The following DNAH10 variants were observed in gnomAD, a reference collection of about 807,000 sequenced individuals.
DNAH10 encodes dynein axonemal heavy chain 10.
A neutral mutation model predicts 506.6 loss-of-function variants in DNAH10; 348 were observed. The ratio of observed to expected loss-of-function variants is 0.69; its 90% CI spans 0.63 to 0.75. DNAH10 has a LOEUF of 0.75. Among genes scored for constraint, DNAH10 ranks in the 30% least tolerant of loss-of-function variants. The probability of loss-of-function intolerance (pLI) is 0.00; values close to 1 mark genes in which losing one functional copy is unlikely to be tolerated. For missense variants in DNAH10, 5,179 were observed against 5,787.1 expected (o/e 0.89, Z 3.41); for synonymous variants, 2,059 against 2,198.6 (o/e 0.94, Z 1.78).
At chr12:123,800,428 G>A in intron 15 of DNAH10, 40 bp downstream of exon 15, 1 of 1,590,520 alleles carries the variant, frequency 6.3e-7, no homozygotes, top group Non-Finnish European at 8.6e-7. Flanking sequence ...TAAGCTTTTT[G>A]TTCTTGGGAC....
rs1411707830 is a variant in DNAH10 at position 123,832,353 on chromosome 12, TAC to T, written c.4546-755_4546-754del. Among the ~76,000 whole-genome samples the T allele has an allele frequency of 2.6e-5, 4 of 152,256 alleles. No individual in the cohort carries two copies. In the East Asian group the frequency reaches 5.8e-4, roughly 22 times the overall value. ...CATATAATGTACACACATATACATATACACACAATGTTCAGTGTACCCAATAT... is the reference window on the plus strand; with the variant it reads ...CATATAATGTACACACATATACATATACACAATGTTCAGTGTACCCAATAT... On this transcript the variant is annotated intron_variant, in intron 26 of 78. Coordinates refer to ENST00000673944, the MANE Select transcript of DNAH10 (RefSeq NM_001372106.1).
intron 32 of DNAH10, among the ~76,000 whole-genome samples, chr12:123,847,503 C>T (rs1014532176): frequency 1.2e-4 from 17 of 140,838 alleles, no homozygotes; most frequent in African/African-American, 1.6e-4. Flanking sequence ...AGTGTAGACT[C>T]GTGTCTGGGT....
At chr12:123,792,824 T>C (rs1007377899) in intron 11 of DNAH10, among the ~76,000 whole-genome samples, 1 of 152,180 alleles carries the variant, frequency 6.6e-6, no homozygotes, top group South Asian at 2.1e-4. Flanking sequence ...CTATCTTCTC[T>C]CATCTGTGTT....
At chr12:123,931,568 G>C in intron 74 of DNAH10, 68 bp from the exon 75 acceptor site, 2 of 1,606,662 alleles carry the variant, frequency 1.2e-6, no homozygotes, top group Non-Finnish European at 1.7e-6. Flanking sequence ...CCCAGAACTG[G>C]AAGGCTCAGG....
Position 123,909,229 on chromosome 12 carries a change from G to A in DNAH10, c.9816-32G>A, listed in dbSNP as rs1219613114. 1 of 1,605,798 alleles carries A rather than the reference G, an allele frequency of 6.2e-7. No homozygotes were observed. Among genetic ancestry groups the A allele is most frequent in the Non-Finnish European group, 8.5e-7 (1 of 1,176,824 alleles). On this transcript the variant is annotated intron_variant, in intron 57 of 78. Coordinates refer to ENST00000673944, the MANE Select transcript of DNAH10 (RefSeq NM_001372106.1). This position sits in a 1 kb window ranked among gnomAD's most constrained non-coding sequence, Gnocchi z 5.4. ...GGCCAGATCCTGGCCACATCCCGGG[G>A]TTGTGACCCACGTGCCTTGGTTTCT...
rs1952328196 is a variant in DNAH10 at position 123,877,847 on chromosome 12, A to G, written c.8311A>G (p.Ile2771Val). The G allele has an allele frequency of 1.2e-6, 2 of 1,613,910 alleles. No individual in the cohort carries two copies. Among genetic ancestry groups the G allele is most frequent in the African/African-American group, 1.3e-5 (1 of 74,940 alleles). The change falls in exon 48 of 79, where the codon ATC (isoleucine) becomes GTC (valine). Residue 2771 changes from isoleucine (I) to valine (V), a missense_variant. By Grantham distance (29) the Ile-to-Val change is conservative. Coordinates refer to ENST00000673944, the MANE Select transcript of DNAH10 (RefSeq NM_001372106.1). The part of the protein sequence containing the change: ...LPPTPSKFHY[I>V]FNLRDLSRVF... ...TCCCACTCCGTCAAAGTTCCATTAC[A>G]TCTTCAACCTTCGAGATCTCTCACG...
intron 30 of DNAH10, among the ~76,000 whole-genome samples, chr12:123,842,022 A>G (rs1950792929): frequency 6.6e-6 from 1 of 152,194 alleles, no homozygotes; most frequent in African/African-American, 2.4e-5. Flanking sequence ...CGAGCACAAG[A>G]TAGCAGTCTT....
chr12:123,779,669 T>C (rs115293887), intron 5 of DNAH10, among the ~76,000 whole-genome samples: 1,685 of 152,006 alleles, frequency 0.011, 25 homozygotes, highest in African/African-American at 0.038. Context: ...AGATACACCC[T>C]GGTCAAGTCT....
At chr12:123,780,157 C>G (rs965836658) in intron 5 of DNAH10, among the ~76,000 whole-genome samples, 10 of 140,320 alleles carry the variant, frequency 7.1e-5, no homozygotes, top group Non-Finnish European at 1.6e-4. Context: ...CTTTCTCTCT[C>G]TCTCTCTCTC....
chr12:123,849,438 A>G (rs1320290328), intron 34 of DNAH10, among the ~76,000 whole-genome samples: 4 of 152,206 alleles, frequency 2.6e-5, no homozygotes. Flanking sequence ...ATTACACCAG[A>G]TTAAGCTGGA....
In DNAH10 at chr12:123,838,500, T is replaced by C. The variant is rs762243404; in HGVS notation, c.4947T>C (p.Cys1649=). Reference sequence around the variant, plus strand: ...AAGACCCCGTGATCAAGAGGTGCTGTGAAGCCCCAAACCGCCTCAGTGACC... The same window carrying C: ...AAGACCCCGTGATCAAGAGGTGCTGCGAAGCCCCAAACCGCCTCAGTGACC... ...TLKDPVIKRC[C]EAPNRLSDLQ... is the part of the protein sequence containing the mutation. Residue 1649 remains cysteine, a synonymous_variant, in exon 29 of 79, where the codon TGT becomes TGC. Coordinates refer to ENST00000673944, the MANE Select transcript of DNAH10 (RefSeq NM_001372106.1). 2 of 1,613,980 alleles carry C rather than the reference T, an allele frequency of 1.2e-6. No individual in the cohort carries two copies. Among genetic ancestry groups the C allele is most frequent in the South Asian group, 1.1e-5 (1 of 91,074 alleles).
At chr12:123,857,980 G>C (rs1020973140) in intron 37 of DNAH10, among the ~76,000 whole-genome samples, 1 of 152,064 alleles carries the variant, frequency 6.6e-6, no homozygotes, top group Non-Finnish European at 1.5e-5. Context: ...TTTGTGTCTG[G>C]CTTATTTCAC....
At chr12:123,927,250 C>T (rs370083022) in intron 69 of DNAH10, 3 of 187,900 alleles carry the variant, frequency 1.6e-5, no homozygotes, top group Non-Finnish European at 3.2e-5. Context: ...AATACAAACA[C>T]GTCACCATGT....
rs775616595 is a variant in DNAH10 at position 123,846,118 on chromosome 12, G to A, written c.5778G>A (p.Thr1926=). The A allele has an allele frequency of 2.7e-5, 43 of 1,613,648 alleles. No homozygotes were observed. Among genetic ancestry groups the A allele is most frequent in the African/African-American group, 4.0e-5 (3 of 74,910 alleles). ...YMGLNGRLVI[T]PLTDRIYLTL... The stretch of plus-strand genomic sequence containing the variant: ...GCCTGAACGGCAGGCTGGTCATCAC[G>A]CCCCTCACCGATCGGATTTACCTGA... Residue 1926 remains threonine (T), a synonymous_variant, in exon 32 of 79, where the codon ACG becomes ACA. Coordinates refer to ENST00000673944, the MANE Select transcript of DNAH10 (RefSeq NM_001372106.1). This position sits in a 1 kb window ranked among gnomAD's most constrained non-coding sequence, Gnocchi z 4.5.
intron 18 of DNAH10, among the ~76,000 whole-genome samples, chr12:123,806,431 C>A (rs2136305855): frequency 6.6e-6 from 1 of 152,316 alleles, no homozygotes; most frequent in Middle Eastern, 3.4e-3. Flanking sequence ...CCTGGGCAGT[C>A]TGACTCCAGT....
At chr12:123,802,282 T>C (rs1953648373) in intron 16 of DNAH10, among the ~76,000 whole-genome samples, 1 of 152,176 alleles carries the variant, frequency 6.6e-6, no homozygotes, top group Non-Finnish European at 1.5e-5. Flanking sequence ...AGTTGCACGG[T>C]AGTTGCATGT....
rs572329512 is a variant in DNAH10, at chr12:123,786,974, C to T, written c.1422-830C>T. 5.9e-5 allele frequency among the ~76,000 whole-genome samples: 9 copies of T among 152,144 alleles called. No individual in the cohort carries two copies. The East Asian group carries it at 1.7e-3, about 29-fold the overall frequency. On this transcript the variant is annotated intron_variant, in intron 9 of 78. Coordinates refer to ENST00000673944, the MANE Select transcript of DNAH10 (RefSeq NM_001372106.1). ...CCAACATGGTGAAATCCTGTCTCAA[C>T]TGAAAGTACACAGAATTAGCCGGGT...
intron 56 of DNAH10, among the ~76,000 whole-genome samples, chr12:123,901,842 G>T (rs1953537332): frequency 1.3e-5 from 2 of 152,072 alleles, no homozygotes; most frequent in South Asian, 2.1e-4. Flanking sequence ...TGTATTTTTA[G>T]TAGAGACGGG....
At chr12:123,821,276 G>A (rs1379312977) in intron 24 of DNAH10, among the ~76,000 whole-genome samples, 1 of 152,056 alleles carries the variant, frequency 6.6e-6, no homozygotes, top group Non-Finnish European at 1.5e-5. Context: ...TCTGGAAATA[G>A]ATAGTGGCGC....
Sources: allele counts gnomAD v4.1 joint callset (sites outside exome capture counted in the v4.1 genomes callset), GRCh38; gene constraint gnomAD v4.1.1; non-coding constraint Gnocchi (gnomAD v3.1); transcripts MANE v1.5; gene names NCBI Gene and HGNC (gene_info 2026-07-23, HGNC 2026-07-21).